Variants in TRPM3 observed in about 807,000 individuals in gnomAD.
TRPM3 encodes long transient receptor potential channel 3.
In TRPM3, 77 loss-of-function variants were observed where a neutral mutation model predicts 181.2. The observed-to-expected ratio is 0.42, with a 90% CI of 0.35 to 0.51. The LOEUF (loss-of-function observed/expected upper bound fraction) is 0.51. Ranked by LOEUF, TRPM3 falls within the 20% of genes least tolerant of loss-of-function variation. The pLI is 0.01. For synonymous variants in TRPM3, 745 were observed against 796.4 expected, an observed-to-expected ratio of 0.94 and a Z score of 1.09; for missense variants, 1,759 against 2,196.7, an observed-to-expected ratio of 0.80 and a Z score of 3.98.
At chr9:71,032,224 A>G (rs953908804) in intron 1 of TRPM3, among the ~76,000 whole-genome samples, 4 of 136,542 alleles carry the variant, frequency 2.9e-5, no homozygotes, top group Non-Finnish European at 6.1e-5. Context: ...AGCTAATAGG[A>G]CAAAAGAAAG....
chr9:70,931,648 G>GA (rs1274771419), intron 1 of TRPM3, among the ~76,000 whole-genome samples: 1 of 151,474 alleles, frequency 6.6e-6, no homozygotes, highest in Non-Finnish European at 1.5e-5. Context: ...GAGAAAGAAA[G>GA]AAAAAATTGG....
intron 1 of TRPM3, among the ~76,000 whole-genome samples, chr9:70,990,725 TA>T (rs762411758): frequency 6.6e-5 from 10 of 152,084 alleles, no homozygotes; most frequent in Non-Finnish European, 1.5e-4. Flanking sequence ...ATAAACAAAA[TA>T]AAGGCATAAA....
chr9:70,549,466 C>T (rs1004418046), intron 25 of TRPM3, 76 bp downstream of exon 25: 27 of 1,494,668 alleles, frequency 1.8e-5, no homozygotes, highest in African/African-American at 1.6e-4. Context: ...GTTTTGTGAC[C>T]GTGTGAATAA....
chr9:70,881,505 TA>T (rs1292782064), intron 1 of TRPM3, among the ~76,000 whole-genome samples: 9 of 152,198 alleles, frequency 5.9e-5, no homozygotes, highest in Non-Finnish European at 1.0e-4. Context: ...GATTATGACT[TA>T]ACGCATTGTT....
At chr9:70,622,103 C>A (rs2063721280) in intron 14 of TRPM3, among the ~76,000 whole-genome samples, 1 of 152,076 alleles carries the variant, frequency 6.6e-6, no homozygotes, top group South Asian at 2.1e-4. Flanking sequence ...GGGATTAGTA[C>A]CCTTATAAAA....
chr9:70,945,160 G>A (rs1470678230), intron 1 of TRPM3, among the ~76,000 whole-genome samples: 1 of 152,188 alleles, frequency 6.6e-6, no homozygotes, highest in African/African-American at 2.4e-5. Context: ...ATGGTAAGAA[G>A]GCACAGGAGA....
chr9:70,763,253 T>C (rs1292995175), intron 7 of TRPM3, among the ~76,000 whole-genome samples: 1 of 152,168 alleles, frequency 6.6e-6, no homozygotes, highest in Non-Finnish European at 1.5e-5. Context: ...CTCCCACCTG[T>C]AATCCTAGGA....
upstream of TRPM3, among the ~76,000 whole-genome samples, chr9:71,126,346 T>C (rs983509145): frequency 4.6e-5 from 7 of 152,176 alleles, no homozygotes; most frequent in African/African-American, 1.7e-4. Context: ...CGAGAACCAC[T>C]ATTTTTTTCA....
chr9:71,203,209 T>C (rs1465496250), intron 1 of TRPM3, among the ~76,000 whole-genome samples: 1 of 152,196 alleles, frequency 6.6e-6, no homozygotes, highest in Non-Finnish European at 1.5e-5. Flanking sequence ...ACAGAGCTGG[T>C]TAGAATGCTG....
At chr9:71,327,931 C>G (rs985249231) in intron 1 of TRPM3, among the ~76,000 whole-genome samples, 2 of 152,110 alleles carry the variant, frequency 1.3e-5, no homozygotes, top group African/African-American at 4.8e-5. Context: ...TAGCAGTCCT[C>G]CAAGCGGTCA....
intron 3 of TRPM3, among the ~76,000 whole-genome samples, chr9:70,855,840 T>G (rs1337026): frequency 0.36 from 55,381 of 151,992 alleles, 10,496 homozygotes; most frequent in Non-Finnish European, 0.39. Flanking sequence ...GTGCTTTGCA[T>G]CAAGAGTTTA....
At chr9:71,219,715 G>T (rs898004867) in intron 1 of TRPM3, among the ~76,000 whole-genome samples, 4 of 152,126 alleles carry the variant, frequency 2.6e-5, no homozygotes, top group African/African-American at 9.7e-5. Context: ...ATTAATCTGG[G>T]CGTTCAGAAC....
chr9:70,864,567 C>T (rs1386169269), intron 1 of TRPM3, 56 bp from the exon 2 acceptor site: 2 of 1,276,306 alleles, frequency 1.6e-6, no homozygotes, highest in East Asian at 2.7e-5. Context: ...GGTGAACATA[C>T]CGTGAAATAT....
At chr9:70,660,741 GA>G (rs1460750631) in intron 9 of TRPM3, among the ~76,000 whole-genome samples, 1 of 151,962 alleles carries the variant, frequency 6.6e-6, no homozygotes, top group Non-Finnish European at 1.5e-5. Flanking sequence ...AATTCAGGAA[GA>G]AATAGAAACC....
At chr9:70,993,082 G>A (rs539413156) in intron 1 of TRPM3, among the ~76,000 whole-genome samples, 129 of 152,300 alleles carry the variant, frequency 8.5e-4, no homozygotes, top group Middle Eastern at 3.4e-3. Flanking sequence ...GTTGCGGCAG[G>A]ACCTGAGGGC....
chr9:70,815,982 G>C lies in TRPM3; in HGVS notation c.973+11865C>G, dbSNP rs146045086. ...AGGTTTATTTTCAAAGTGCTTGCTT[G>C]TGGTTTCACTAAATCTGTAAGACAA... On this transcript the variant is annotated intron_variant, in intron 6 of 25. Transcript: ENST00000677713. Among the ~76,000 whole-genome samples, 12 of 152,294 alleles carry C rather than the reference G, an allele frequency of 7.9e-5. No individual in the cohort carries two copies. The East Asian group carries it at 2.3e-3, about 29-fold the overall frequency.
chr9:70,992,467 G>A (rs1402365492), intron 1 of TRPM3, among the ~76,000 whole-genome samples: 1 of 152,166 alleles, frequency 6.6e-6, no homozygotes, highest in Non-Finnish European at 1.5e-5. Context: ...GCTGGGTACT[G>A]TCTGGGGATT....
chr9:71,369,802 T>C (rs1032057838), intron 1 of TRPM3, among the ~76,000 whole-genome samples: 8 of 152,244 alleles, frequency 5.3e-5, no homozygotes, highest in Non-Finnish European at 1.0e-4. Flanking sequence ...TTTATTGCAC[T>C]TCACTTTATT....
At chr9:70,755,993 A>AC (rs1178638118) in intron 8 of TRPM3, among the ~76,000 whole-genome samples, 1 of 152,198 alleles carries the variant, frequency 6.6e-6, no homozygotes, top group Non-Finnish European at 1.5e-5. Flanking sequence ...TTAAATGTAA[A>AC]CAGGCTAAAT....
Sources: allele counts gnomAD v4.1 joint callset (sites outside exome capture counted in the v4.1 genomes callset), GRCh38; gene constraint gnomAD v4.1.1; transcripts MANE v1.5; gene names NCBI Gene and HGNC (gene_info 2026-07-23, HGNC 2026-07-21).